The following SEMA6D variants were observed in gnomAD, a reference collection of about 807,000 sequenced individuals.
The protein encoded by SEMA6D is semaphorin-6D.
A neutral mutation model predicts 106.6 loss-of-function variants in SEMA6D; 35 were observed. The ratio of observed to expected loss-of-function variants is 0.33; its 90% CI spans 0.25 to 0.44. SEMA6D has a LOEUF of 0.44. Ranked by LOEUF, SEMA6D falls within the 20% of genes least tolerant of loss-of-function variation. The pLI is 1.00. For missense variants in SEMA6D, 1,185 were observed against 1,345.9 expected, an observed-to-expected ratio of 0.88 and a Z score of 1.87; for synonymous variants, 499 against 487.7, an observed-to-expected ratio of 1.02 and a Z score of -0.31.
chr15:47,231,227 C>T (rs1034488764), intron 1 of SEMA6D, among the ~76,000 whole-genome samples: 1 of 151,918 alleles, frequency 6.6e-6, no homozygotes, highest in Non-Finnish European at 1.5e-5. Flanking sequence ...AGGCAGTTCT[C>T]TCATCCTGTC....
intron 4 of SEMA6D, among the ~76,000 whole-genome samples, chr15:47,652,462 C>T (rs922509666): frequency 6.6e-6 from 1 of 152,154 alleles, no homozygotes; most frequent in South Asian, 2.1e-4. Flanking sequence ...ACCCCCTCCT[C>T]ACCCCGCCTG....
chr15:47,296,295 A>T (rs1304086355), intron 1 of SEMA6D, among the ~76,000 whole-genome samples: 1 of 152,222 alleles, frequency 6.6e-6, no homozygotes, highest in Non-Finnish European at 1.5e-5. Context: ...GGATATAGTA[A>T]TAGGCCTAAC....
intron 1 of SEMA6D, among the ~76,000 whole-genome samples, chr15:47,308,275 T>C (rs917658084): frequency 6.6e-6 from 1 of 152,194 alleles, no homozygotes; most frequent in Non-Finnish European, 1.5e-5. Context: ...TTGTATGTTG[T>C]TGGATAAATT....
At chr15:47,374,648 G>A (rs2039388802) in intron 1 of SEMA6D, among the ~76,000 whole-genome samples, 1 of 152,150 alleles carries the variant, frequency 6.6e-6, no homozygotes, top group African/African-American at 2.4e-5. Context: ...TAAGATAAGG[G>A]TTTTCTATAT....
Position 47,476,639 on chromosome 15 carries a change from A to AT in SEMA6D, c.-87+6095dup, listed in dbSNP as rs1350768515. ...AATTGTTTAGAGACAAACACTGGGA[A>AT]TGGGGGTGGGGGGAGCATGAATATA... On this transcript the variant is annotated intron_variant, in intron 3 of 19. Coordinates refer to the SEMA6D transcript ENST00000558014. 3.3e-5 allele frequency among the ~76,000 whole-genome samples: 5 copies of AT among 152,108 alleles called. No individual in the cohort carries two copies. The East Asian group carries it at 9.7e-4, about 30-fold the overall frequency.
At chr15:47,205,883 A>T (rs1361000078) in intron 1 of SEMA6D, among the ~76,000 whole-genome samples, 1 of 152,212 alleles carries the variant, frequency 6.6e-6, no homozygotes, top group Admixed American at 6.5e-5. Flanking sequence ...ATATGCATAA[A>T]TAAAAATAGT....
intron 1 of SEMA6D, among the ~76,000 whole-genome samples, chr15:47,371,499 A>G (rs1176586596): frequency 6.6e-6 from 1 of 152,196 alleles, no homozygotes; most frequent in Non-Finnish European, 1.5e-5. Context: ...ATACCTTCTT[A>G]AGAAAACTCT....
chr15:47,772,765 G>A lies in SEMA6D; in HGVS notation c.*980G>A, dbSNP rs1046029545. The stretch of plus-strand genomic sequence containing the variant: ...GCCTGAGTCACTCTATTTAACCTTG[G>A]ACACACTAATAAGGTTTTATTTTGA... On this transcript the variant is annotated 3_prime_UTR_variant, in exon 19 of 19. Coordinates refer to ENST00000536845, the MANE Select transcript of SEMA6D (RefSeq NM_001358351.3). 1 of 150,700 alleles carries A rather than the reference G, an allele frequency of 6.6e-6. No individual in the cohort carries two copies. Among genetic ancestry groups the A allele is most frequent in the African/African-American group, 2.5e-5 (1 of 40,754 alleles). 9.3% of individuals were successfully genotyped at this position (150,700 alleles called of 1,614,324 possible).
intron 1 of SEMA6D, among the ~76,000 whole-genome samples, chr15:47,753,006 CAA>C (rs35829736): frequency 3.5e-5 from 5 of 141,030 alleles, no homozygotes; most frequent in Admixed American, 7.0e-5. Context: ...AAGACACTGT[CAA>C]AAAAAAAAAA....
intron 1 of SEMA6D, among the ~76,000 whole-genome samples, chr15:47,719,198 A>G (rs992598172): frequency 2.0e-5 from 3 of 152,096 alleles, no homozygotes; most frequent in Non-Finnish European, 4.4e-5. Context: ...TATGAATCGC[A>G]GCGTTTGAGG....
In SEMA6D at chr15:47,551,904, G is replaced by T. The variant is rs2045705857; in HGVS notation, c.-86-48961G>T. ...ATGGATGAACTTATATATTGCTAGAGGTCATACAAATTGATAAAACACTTT... is the reference window on the plus strand; with the variant it reads ...ATGGATGAACTTATATATTGCTAGATGTCATACAAATTGATAAAACACTTT... On this transcript the variant is annotated intron_variant, in intron 3 of 19. Coordinates refer to the SEMA6D transcript ENST00000558014. 2.0e-5 allele frequency among the ~76,000 whole-genome samples: 3 copies of T among 152,122 alleles called. No homozygotes were observed. In the South Asian group the frequency reaches 6.2e-4, roughly 32 times the overall value.
intron 1 of SEMA6D, among the ~76,000 whole-genome samples, chr15:47,753,989 A>G (rs1054418647): frequency 6.6e-6 from 1 of 152,180 alleles, no homozygotes; most frequent in African/African-American, 2.4e-5. Context: ...CCATTTCTAC[A>G]TTCTAATTTC....
intron 2 of SEMA6D, among the ~76,000 whole-genome samples, chr15:47,413,826 G>C (rs281212): frequency 6.6e-6 from 1 of 151,916 alleles, no homozygotes; most frequent in Admixed American, 6.6e-5. Flanking sequence ...ATTTTCATGT[G>C]GTCTTATAGC....
chr15:47,644,296 T>C lies in SEMA6D; in HGVS notation c.-55+43400T>C, dbSNP rs149132268. ...AAATGGTATACAGATGTTAAGTGCA[T>C]ACACAATTGCACAGTTGGCATTCAA... On this transcript the variant is annotated intron_variant, in intron 4 of 19. Transcript: ENST00000558014. Among the ~76,000 whole-genome samples the C allele has an allele frequency of 9.8e-5, 15 of 152,346 alleles. No homozygotes were observed. The East Asian group carries it at 2.9e-3, about 29-fold the overall frequency.
chr15:47,230,910 A>G (rs974095313), intron 1 of SEMA6D, among the ~76,000 whole-genome samples: 5 of 152,026 alleles, frequency 3.3e-5, no homozygotes, highest in Admixed American at 6.6e-5. Flanking sequence ...CACACTGCTG[A>G]AATGAACTTG....
intron 4 of SEMA6D, among the ~76,000 whole-genome samples, chr15:47,626,181 A>G (rs1373386865): frequency 6.6e-6 from 1 of 152,188 alleles, no homozygotes; most frequent in Non-Finnish European, 1.5e-5. Context: ...CTCACCTAAG[A>G]GTTGTGAGAT....
At chr15:47,209,312 A>G (rs1476059341) in intron 1 of SEMA6D, among the ~76,000 whole-genome samples, 4 of 152,226 alleles carry the variant, frequency 2.6e-5, no homozygotes, top group South Asian at 2.1e-4. Context: ...ATAAGAGAAT[A>G]TAGTATAAAA....
chr15:47,652,804 TG>T (rs762743290), intron 4 of SEMA6D, among the ~76,000 whole-genome samples: 1 of 152,226 alleles, frequency 6.6e-6, no homozygotes, highest in Non-Finnish European at 1.5e-5. Context: ...TGATCCTTTT[TG>T]TCTCTGCTTT....
At chr15:47,309,749 A>G (rs2036372287) in intron 1 of SEMA6D, among the ~76,000 whole-genome samples, 1 of 152,220 alleles carries the variant, frequency 6.6e-6, no homozygotes, top group Non-Finnish European at 1.5e-5. Flanking sequence ...ATTAGCCTAC[A>G]GCGGGCAAAC....
Sources: allele counts gnomAD v4.1 joint callset (sites outside exome capture counted in the v4.1 genomes callset), GRCh38; gene constraint gnomAD v4.1.1; transcripts MANE v1.5; gene names NCBI Gene and HGNC (gene_info 2026-07-23, HGNC 2026-07-21).